PTPRO: variants seen among roughly 807,000 people sequenced by gnomAD.
PTPRO encodes receptor-type tyrosine-protein phosphatase O.
In PTPRO, 62 loss-of-function variants were observed where a neutral mutation model predicts 145.2. The observed-to-expected ratio is 0.43, with a 90% CI of 0.35 to 0.53. The LOEUF (loss-of-function observed/expected upper bound fraction) is 0.53. PTPRO is among the 20% of genes least tolerant of loss of function. The probability of loss-of-function intolerance (pLI) is 0.01; values close to 1 mark genes in which losing one functional copy is unlikely to be tolerated. For missense variants in PTPRO, 1,345 were observed against 1,482.7 expected (o/e 0.91, Z 1.53); for synonymous variants, 565 against 514.7 (o/e 1.10, Z -1.32).
chr12:15,568,572 G>A (rs1004392653), intron 18 of PTPRO, among the ~76,000 whole-genome samples: 1 of 152,222 alleles, frequency 6.6e-6, no homozygotes, highest in African/African-American at 2.4e-5. Context: ...ATGACAGAAT[G>A]TGGAATTCTG....
chr12:15,493,981 T>A lies in PTPRO; in HGVS notation c.350-3264T>A, dbSNP rs372427106. On this transcript the variant is annotated intron_variant, in intron 2 of 26. Transcript: ENST00000281171. ...AAGAGTGATAAATCTTAAAACAATG[T>A]TAGGCAATAAAAACAAGCTGCAGGA... Among the ~76,000 whole-genome samples, 60 of 152,268 alleles carry A rather than the reference T, an allele frequency of 3.9e-4. 1 individual carries two copies. The South Asian group carries it at 0.011, about 28-fold the overall frequency.
intron 7 of PTPRO, among the ~76,000 whole-genome samples, chr12:15,513,960 G>T (rs1036419512): frequency 6.6e-6 from 1 of 152,226 alleles, no homozygotes; most frequent in Admixed American, 6.5e-5. Flanking sequence ...TCCAAAAAAA[G>T]AATGTGTGTT....
At chr12:15,421,906 A>T (rs575202756) in intron 1 of PTPRO, among the ~76,000 whole-genome samples, 2 of 152,278 alleles carry the variant, frequency 1.3e-5, no homozygotes, top group Admixed American at 1.3e-4. Flanking sequence ...CAGGATTAGC[A>T]CCTATCTCAT....
At chr12:15,543,018 GT>G (rs1287785379) in intron 12 of PTPRO, among the ~76,000 whole-genome samples, 2 of 152,144 alleles carry the variant, frequency 1.3e-5, no homozygotes, top group African/African-American at 4.8e-5. Context: ...ATAGTAATAA[GT>G]TCATAATTAT....
chr12:15,518,548 G>C (rs373509694), intron 9 of PTPRO, among the ~76,000 whole-genome samples: 1 of 152,164 alleles, frequency 6.6e-6, no homozygotes, highest in Non-Finnish European at 1.5e-5. Context: ...CTATCACATT[G>C]TCAAGCTGCA....
At chr12:15,364,959 G>A (rs929561762) in intron 1 of PTPRO, among the ~76,000 whole-genome samples, 1 of 152,116 alleles carries the variant, frequency 6.6e-6, no homozygotes, top group Non-Finnish European at 1.5e-5. Context: ...TTTTTAATGG[G>A]TTGATTGCTA....
intron 25 of PTPRO, among the ~76,000 whole-genome samples, chr12:15,591,634 G>T (rs73297739): frequency 0.047 from 7,091 of 151,818 alleles, 528 homozygotes; most frequent in African/African-American, 0.16. Context: ...TGATATCTCC[G>T]CGGACACAGC....
intron 15 of PTPRO, among the ~76,000 whole-genome samples, chr12:15,556,052 A>G (rs1314200536): frequency 6.6e-6 from 1 of 152,228 alleles, no homozygotes; most frequent in Non-Finnish European, 1.5e-5. Context: ...ACCTACTTTA[A>G]TGATAGAAAG....
chr12:15,417,608 C>T lies in PTPRO; in HGVS notation c.76-66366C>T, dbSNP rs1940018466. Among the ~76,000 whole-genome samples the T allele has an allele frequency of 4.0e-5, 6 of 151,742 alleles. No homozygotes were observed. In the South Asian group the frequency reaches 1.2e-3, roughly 31 times the overall value. The stretch of plus-strand genomic sequence containing the variant: ...ACTAAATCAGAATCTGCATTTTTAA[C>T]AAGGTCCCCAAGAAAATCAGTACAC... On this transcript the variant is annotated intron_variant, in intron 1 of 26. Coordinates refer to ENST00000281171, the MANE Select transcript of PTPRO (RefSeq NM_030667.3).
chr12:15,573,442 G>C (rs1944106103), intron 19 of PTPRO, among the ~76,000 whole-genome samples: 1 of 152,116 alleles, frequency 6.6e-6, no homozygotes. Context: ...GCCTAGTCAA[G>C]TTGACGTCTA....
At chr12:15,491,295 T>C (rs1941994658) in intron 2 of PTPRO, among the ~76,000 whole-genome samples, 1 of 152,240 alleles carries the variant, frequency 6.6e-6, no homozygotes, top group African/African-American at 2.4e-5. Flanking sequence ...AATTGCTTCT[T>C]TAGTTTGTAT....
intron 1 of PTPRO, among the ~76,000 whole-genome samples, chr12:15,474,762 C>T (rs2136422915): frequency 6.6e-6 from 1 of 152,312 alleles, no homozygotes; most frequent in African/African-American, 2.4e-5. Flanking sequence ...TTAACTGTTC[C>T]TTCCTGCTCT....
In PTPRO at chr12:15,546,550, A is replaced by G; in HGVS notation, c.2165-19A>G. On this transcript the variant is annotated intron_variant, in intron 12 of 26. Coordinates refer to ENST00000281171, the MANE Select transcript of PTPRO (RefSeq NM_030667.3). ...CACTTAGTAAATTAAATTTTTTTTA[A>G]AACTTTGTCTTTGCTCAGAACCAGC... 6.4e-7 allele frequency: 1 copy of G among 1,566,986 alleles called. No individual in the cohort carries two copies. The highest frequency in any genetic ancestry group is 2.4e-5 in the East Asian group (1 of 41,494).
chr12:15,504,855 C>T (rs561653393), intron 6 of PTPRO, among the ~76,000 whole-genome samples: 11 of 152,248 alleles, frequency 7.2e-5, no homozygotes, highest in South Asian at 2.1e-4. Context: ...CGTTGAAGGA[C>T]GGATGAGAGC....
Position 15,581,662 on chromosome 12 carries a change from T to C in PTPRO, c.3133-17T>C. ...CTAGCCTGTTTGTTTTAAAAAATTG[T>C]TTTGTCCTTGCTCCAGGTGAAATGT... is the stretch of plus-strand genomic sequence containing the variant. On this transcript the variant is annotated splice_polypyrimidine_tract_variant and intron_variant, in intron 22 of 26. Coordinates refer to ENST00000281171, the MANE Select transcript of PTPRO (RefSeq NM_030667.3). 1 of 1,613,496 alleles carries C rather than the reference T, an allele frequency of 6.2e-7. No homozygotes were observed.
chr12:15,369,912 C>T (rs1938471969), intron 1 of PTPRO, among the ~76,000 whole-genome samples: 1 of 151,984 alleles, frequency 6.6e-6, no homozygotes. Flanking sequence ...CTTAGCCAGG[C>T]GTGGTGGCAG....
chr12:15,439,683 G>T (rs976039323), intron 1 of PTPRO: 13 of 448,738 alleles, frequency 2.9e-5, no homozygotes, highest in Admixed American at 4.9e-5. Flanking sequence ...GCTCACTGAG[G>T]CAAGGCCGAG....
chr12:15,581,117 G>A (rs1426772613), intron 22 of PTPRO, among the ~76,000 whole-genome samples: 1 of 152,018 alleles, frequency 6.6e-6, no homozygotes, highest in East Asian at 1.9e-4. Flanking sequence ...AAAGTTTTGG[G>A]GAGCTGGCAA....
intron 1 of PTPRO, among the ~76,000 whole-genome samples, chr12:15,407,354 T>TC (rs1279130141): frequency 3.3e-5 from 5 of 152,042 alleles, no homozygotes; most frequent in African/African-American, 7.2e-5. Context: ...ACTACCAGGT[T>TC]CCCCCCACCC....
Sources: gnomAD v4.1 joint callset for allele counts (sites outside exome capture counted in the v4.1 genomes callset) on GRCh38, gnomAD v4.1.1 for gene constraint, MANE v1.5 for transcripts, NCBI Gene and HGNC (gene_info 2026-07-23, HGNC 2026-07-21) for gene names.